ACSM6: variants seen among roughly 807,000 people sequenced by gnomAD.
ACSM6 encodes acyl-CoA synthetase medium chain family member 6.
A neutral mutation model predicts 51.1 loss-of-function variants in ACSM6; 35 were observed. The observed-to-expected ratio is 0.69, with a 90% confidence interval of 0.52 to 0.91. The LOEUF is 0.91. Among genes scored for constraint, ACSM6 ranks in the 40% least tolerant of loss-of-function variants. ACSM6 has a pLI of 0.00. For missense variants in ACSM6, 509 were observed against 584.1 expected (o/e 0.87, Z 1.32); for synonymous variants, 172 against 207.3 (o/e 0.83, Z 1.46).
At chr10:95,228,382 C>A in intron 10 of ACSM6, 1 of 367,470 alleles carries the variant, frequency 2.7e-6, no homozygotes, top group Non-Finnish European at 4.9e-6. Context: ...CTCATTTAAG[C>A]CTCAGGACAA....
In ACSM6 at chr10:95,207,731, TAATATA is replaced by T. The variant is rs1180904854; in HGVS notation, c.611+325_611+330del. Among the ~76,000 whole-genome samples the T allele has an allele frequency of 5.9e-5, 9 of 152,100 alleles. No homozygotes were observed. In the East Asian group the frequency reaches 7.7e-4, roughly 13 times the overall value. On this transcript the variant is annotated intron_variant, in intron 4 of 10. Coordinates refer to ENST00000341686, the Ensembl canonical transcript of ACSM6. Reference sequence around the variant, plus strand: ...CGTTCTGAAAGGATAAAAAATTAGGTAATATAAATATAAACATATTACAAAAAACAT... The same window carrying T: ...CGTTCTGAAAGGATAAAAAATTAGGTAATATAAACATATTACAAAAAACAT...
intron 6 of ACSM6, 90 bp from the exon 7 acceptor site, chr10:95,212,768 C>G (rs2034905780): frequency 9.9e-7 from 1 of 1,013,006 alleles, no homozygotes. Flanking sequence ...GACCCTCTTC[C>G]CTGGACTTTC....
At chr10:95,210,429 G>A (rs987664662) in intron 4 of ACSM6, among the ~76,000 whole-genome samples, 4 of 152,106 alleles carry the variant, frequency 2.6e-5, no homozygotes, top group African/African-American at 9.7e-5. Flanking sequence ...AGAAAAATAA[G>A]GCTGGCGTAT....
intron 2 of ACSM6, among the ~76,000 whole-genome samples, chr10:95,198,230 C>G (rs2034755531): frequency 6.6e-6 from 1 of 151,688 alleles, no homozygotes; most frequent in South Asian, 2.1e-4. Context: ...ACATATCACC[C>G]TAAAAAAAAA....
exon 3 of ACSM6, chr10:95,202,053 C>T (rs1274086825): frequency 6.4e-7 from 1 of 1,551,900 alleles, no homozygotes; most frequent in East Asian, 2.4e-5. Context: ...ACAAATGGAG[C>T]TTTGAAAGGA....
intron 3 of ACSM6, among the ~76,000 whole-genome samples, chr10:95,205,820 A>ATT (rs2034833902): frequency 6.6e-6 from 1 of 152,190 alleles, no homozygotes; most frequent in African/African-American, 2.4e-5. Flanking sequence ...GTCACCCACA[A>ATT]TTGCACGGTT....
Position 95,207,439 on chromosome 10 carries a change from T to C in ACSM6, c.611+24T>C, listed in dbSNP as rs1356566203. On this transcript the variant is annotated intron_variant, in intron 4 of 10. Transcript: ENST00000341686. ...CAGTAAGTGGACACTGAATATGAGA[T>C]GCTTAAATGAAGGAAATGTTTGACT... 10 of 1,597,546 alleles carry C rather than the reference T, an allele frequency of 6.3e-6. No individual in the cohort carries two copies. In the East Asian group the frequency reaches 1.3e-4, roughly 21 times the overall value.
intron 2 of ACSM6, among the ~76,000 whole-genome samples, chr10:95,197,616 G>C (rs2034746187): frequency 6.6e-6 from 1 of 152,160 alleles, no homozygotes; most frequent in Admixed American, 6.5e-5. Context: ...CCCACCATAG[G>C]GCGGTTTTTC....
chr10:95,197,613 T>C lies in ACSM6; in HGVS notation c.192+2936T>C, dbSNP rs553215640. ...TGCAAACATGTCTCACCTCCCACCA[T>C]AGGGCGGTTTTTCTCTCATCTCAGA... On this transcript the variant is annotated intron_variant, in intron 2 of 10. Transcript: ENST00000341686. Among the ~76,000 whole-genome samples the C allele has an allele frequency of 2.1e-3, 314 of 152,060 alleles. 1 individual carries two copies. Among genetic ancestry groups the C allele is most frequent in the Admixed American group, 3.4e-3 (52 of 15,276 alleles).
At chr10:95,221,341 C>A (rs1317225473) in intron 9 of ACSM6, among the ~76,000 whole-genome samples, 1 of 152,160 alleles carries the variant, frequency 6.6e-6, no homozygotes, top group African/African-American at 2.4e-5. Flanking sequence ...AATCCCAGCA[C>A]TTTCGGAGGC....
exon 2 of ACSM6, chr10:95,194,532 T>C (rs937820865): frequency 1.3e-6 from 2 of 1,551,808 alleles, no homozygotes; most frequent in African/African-American, 1.4e-5. Flanking sequence ...AGTTTCAGAC[T>C]GGGATTTGAA....
intron 5 of ACSM6, 65 bp downstream of exon 5, chr10:95,210,858 T>C (rs1027001519): frequency 3.9e-6 from 6 of 1,536,496 alleles, no homozygotes; most frequent in South Asian, 2.5e-5. Context: ...GGGAGCTTCA[T>C]GGGACTAAAG....
At chr10:95,212,924 C>G (rs2034907926) in exon 7 of ACSM6, 1 of 1,611,184 alleles carries the variant, frequency 6.2e-7, no homozygotes, top group Non-Finnish European at 8.5e-7. Flanking sequence ...ACTGCTTCAG[C>G]ACAAGTGTTT....
intron 9 of ACSM6, 106 bp from the exon 10 acceptor site, chr10:95,225,184 G>C (rs919399832): frequency 1.2e-6 from 1 of 807,606 alleles, no homozygotes; most frequent in Non-Finnish European, 2.0e-6. Flanking sequence ...CACTTTCCTG[G>C]CATCTTAAAT....
intron 9 of ACSM6, among the ~76,000 whole-genome samples, chr10:95,221,611 A>G (rs2034995919): frequency 6.6e-6 from 1 of 152,136 alleles, no homozygotes; most frequent in African/African-American, 2.4e-5. Context: ...GAAAAAAATT[A>G]TATGTCAACA....
At chr10:95,222,191 A>C (rs1032821176) in intron 9 of ACSM6, among the ~76,000 whole-genome samples, 1 of 152,244 alleles carries the variant, frequency 6.6e-6, no homozygotes, top group Non-Finnish European at 1.5e-5. Flanking sequence ...ATTTCTACAT[A>C]TGGTATAAAG....
In ACSM6 at chr10:95,218,769, AC is replaced by A; in HGVS notation, c.1120-1120del. 1.3e-5 allele frequency among the ~76,000 whole-genome samples: 2 copies of A among 152,340 alleles called. 1 individual carries two copies. The highest frequency in any genetic ancestry group is 4.1e-4 in the South Asian group (2 of 4,828). ...CTACAGAACCATGATTAATAGTCCC[AC>A]CAGATTAGATGAAGGGAAGGAGGAG... On this transcript the variant is annotated intron_variant, in intron 8 of 10. Transcript: ENST00000341686.
intron 2 of ACSM6, among the ~76,000 whole-genome samples, chr10:95,201,239 T>G (rs895982713): frequency 2.0e-5 from 3 of 152,162 alleles, no homozygotes; most frequent in Non-Finnish European, 4.4e-5. Context: ...GGCACAATGG[T>G]GAGGCTTGAG....
chr10:95,208,990 C>G (rs113984230), intron 4 of ACSM6, among the ~76,000 whole-genome samples: 1 of 146,070 alleles, frequency 6.8e-6, no homozygotes, highest in Non-Finnish European at 1.5e-5. Context: ...AACCCCGACC[C>G]TCATGGATTT....
Sources: allele counts gnomAD v4.1 joint callset (sites outside exome capture counted in the v4.1 genomes callset), GRCh38; gene constraint gnomAD v4.1.1; transcripts MANE v1.5; gene names NCBI Gene and HGNC (gene_info 2026-07-23, HGNC 2026-07-21).